PTPRT: variants seen among roughly 807,000 people sequenced by gnomAD.
The protein encoded by PTPRT is protein tyrosine phosphatase receptor type T, also known as receptor-type tyrosine-protein phosphatase T.
PTPRT carries 56 observed loss-of-function variants against 176.8 expected under a neutral mutation model. The observed-to-expected ratio is 0.32, with a 90% CI of 0.26 to 0.40. The LOEUF is 0.40. PTPRT is among the 10% of genes least tolerant of loss of function. The pLI is 1.00. For synonymous variants in PTPRT, 783 were observed against 739.0 expected (o/e 1.06, Z -0.96); for missense variants, 1,540 against 1,908.2 (o/e 0.81, Z 3.60).
intron 7 of PTPRT, among the ~76,000 whole-genome samples, chr20:42,644,269 C>T (rs972281528): frequency 3.9e-5 from 6 of 152,076 alleles, no homozygotes; most frequent in Non-Finnish European, 5.9e-5. Context: ...TTTTCTAATC[C>T]GCCTTACACT....
At chr20:42,393,930 C>T (rs567519672) in intron 9 of PTPRT, among the ~76,000 whole-genome samples, 5 of 152,128 alleles carry the variant, frequency 3.3e-5, no homozygotes, top group South Asian at 2.1e-4. Flanking sequence ...GGGAAGACTA[C>T]GGCTTCCTAT....
chr20:42,297,804 A>G (rs2057409837), intron 12 of PTPRT, among the ~76,000 whole-genome samples: 1 of 152,204 alleles, frequency 6.6e-6, no homozygotes, highest in Non-Finnish European at 1.5e-5. Context: ...TGCTAAGACA[A>G]CTAGACAGAC....
At chr20:42,517,288 T>C in intron 7 of PTPRT, among the ~76,000 whole-genome samples, 1 of 152,016 alleles carries the variant, frequency 6.6e-6, no homozygotes, top group Admixed American at 6.6e-5. Context: ...TTCAGGTTAA[T>C]TCTTTAGGGT....
intron 7 of PTPRT, among the ~76,000 whole-genome samples, chr20:42,619,354 C>A (rs1192699987): frequency 7.7e-6 from 1 of 129,498 alleles, no homozygotes; most frequent in Non-Finnish European, 1.6e-5. Context: ...CCCGACCTTT[C>A]TCTCTGGCTG....
chr20:42,991,065 G>T (rs1600628487), intron 1 of PTPRT, among the ~76,000 whole-genome samples: 1 of 152,176 alleles, frequency 6.6e-6, no homozygotes, highest in African/African-American at 2.4e-5. Context: ...ACCCAGGAGA[G>T]AAAGCGGGCG....
intron 6 of PTPRT, among the ~76,000 whole-genome samples, chr20:42,700,972 C>T (rs1440014419): frequency 3.3e-5 from 5 of 152,172 alleles, no homozygotes; most frequent in Non-Finnish European, 5.9e-5. Context: ...GCGGTCCACA[C>T]TGATTAATGG....
intron 13 of PTPRT, among the ~76,000 whole-genome samples, chr20:42,252,588 A>C (rs1388483777): frequency 6.6e-6 from 1 of 152,222 alleles, no homozygotes; most frequent in Non-Finnish European, 1.5e-5. Context: ...GGAGGGCATG[A>C]TCAACTATGC....
intron 1 of PTPRT, among the ~76,000 whole-genome samples, chr20:43,103,837 T>G (rs142805252): frequency 6.6e-6 from 1 of 151,966 alleles, no homozygotes; most frequent in South Asian, 2.1e-4. Context: ...ACTGATATAA[T>G]GTGAAAATCC....
chr20:42,057,556 G>A, the PTPRT span, among the ~76,000 whole-genome samples: 1 of 152,092 alleles, frequency 6.6e-6, no homozygotes, highest in Non-Finnish European at 1.5e-5. Flanking sequence ...CCTTTTACTA[G>A]TCTGGCTAAT....
Position 42,746,980 on chromosome 20 carries a change from C to A in PTPRT, c.859+9482G>T, listed in dbSNP as rs186257692. The stretch of plus-strand genomic sequence containing the variant: ...TTTTTAAAATGACCACTCTAAGGGG[C>A]ACATGGTGGGGTGGGTAAGTAGCAT... On this transcript the variant is annotated intron_variant, in intron 6 of 30. Transcript: ENST00000373187. 1.4e-3 allele frequency among the ~76,000 whole-genome samples: 206 copies of A among 152,154 alleles called. 1 individual carries two copies. Among genetic ancestry groups the A allele is most frequent in the African/African-American group, 4.8e-3 (199 of 41,510 alleles).
chr20:43,064,429 G>C (rs973212659), intron 1 of PTPRT, among the ~76,000 whole-genome samples: 1 of 152,144 alleles, frequency 6.6e-6, no homozygotes, highest in Non-Finnish European at 1.5e-5. Context: ...GTTGTTATAA[G>C]AGTTAGCCTG....
chr20:42,984,916 G>T (rs1305680915), intron 1 of PTPRT, among the ~76,000 whole-genome samples: 1 of 152,220 alleles, frequency 6.6e-6, no homozygotes, highest in Non-Finnish European at 1.5e-5. Flanking sequence ...AACGACAGAG[G>T]CTGACCAGGT....
chr20:42,913,579 A>G (rs999583535), intron 1 of PTPRT, among the ~76,000 whole-genome samples: 2 of 152,190 alleles, frequency 1.3e-5, no homozygotes, highest in Non-Finnish European at 2.9e-5. Flanking sequence ...ATTCTGAGTT[A>G]CTGGGGATTA....
intron 6 of PTPRT, among the ~76,000 whole-genome samples, chr20:42,703,014 G>C (rs549780406): frequency 6.6e-6 from 1 of 152,328 alleles, no homozygotes; most frequent in African/African-American, 2.4e-5. Context: ...GATCAGAGTA[G>C]GTTCAGATTA....
chr20:42,713,499 T>G (rs1169962436), intron 6 of PTPRT, among the ~76,000 whole-genome samples: 1 of 152,198 alleles, frequency 6.6e-6, no homozygotes, highest in Non-Finnish European at 1.5e-5. Flanking sequence ...TTGTATTATC[T>G]GCCTTCCTAT....
chr20:42,376,305 C>T (rs2058648342), intron 9 of PTPRT, among the ~76,000 whole-genome samples: 1 of 152,178 alleles, frequency 6.6e-6, no homozygotes, highest in Non-Finnish European at 1.5e-5. Flanking sequence ...CTCACACTGG[C>T]TGACCCTCAC....
chr20:42,731,902 C>T (rs2076466283), intron 6 of PTPRT, among the ~76,000 whole-genome samples: 1 of 152,208 alleles, frequency 6.6e-6, no homozygotes, highest in Admixed American at 6.5e-5. Flanking sequence ...CTTTAAATGG[C>T]TGACATCTTC....
At chr20:43,042,083 C>T (rs1184704856) in intron 1 of PTPRT, among the ~76,000 whole-genome samples, 1 of 152,216 alleles carries the variant, frequency 6.6e-6, no homozygotes, top group African/African-American at 2.4e-5. Flanking sequence ...ACAATAGCTG[C>T]TCCACTGAAC....
intron 1 of PTPRT, among the ~76,000 whole-genome samples, chr20:42,891,389 C>G (rs892509726): frequency 1.3e-5 from 2 of 152,108 alleles, no homozygotes; most frequent in African/African-American, 2.4e-5. Flanking sequence ...AGGCTGAGGT[C>G]AAAATGTGGC....
Sources: gnomAD v4.1 joint callset for allele counts (sites outside exome capture counted in the v4.1 genomes callset) on GRCh38, gnomAD v4.1.1 for gene constraint, MANE v1.5 for transcripts, NCBI Gene and HGNC (gene_info 2026-07-23, HGNC 2026-07-21) for gene names.